The following TENM3 variants were observed in gnomAD, a reference collection of about 807,000 sequenced individuals.
TENM3 encodes the protein teneurin transmembrane protein 3.
TENM3 carries 63 observed loss-of-function variants against 255.1 expected under a neutral mutation model. The ratio of observed to expected loss-of-function variants is 0.25; its 90% confidence interval spans 0.20 to 0.30. The LOEUF (loss-of-function observed/expected upper bound fraction) is 0.30, where lower values mean the gene tolerates loss of function less well. Ranked by LOEUF, TENM3 falls within the 10% of genes least tolerant of loss-of-function variation. The pLI is 1.00. For synonymous variants in TENM3, 1,306 were observed against 1,322.3 expected, an observed-to-expected ratio of 0.99 and a Z score of 0.27; for missense variants, 2,929 against 3,461.1, an observed-to-expected ratio of 0.85 and a Z score of 3.86.
intron 3 of TENM3, among the ~76,000 whole-genome samples, chr4:182,552,897 G>T (rs578081668): frequency 6.6e-6 from 1 of 152,178 alleles, no homozygotes; most frequent in South Asian, 2.1e-4. Context: ...TGAATTTAGG[G>T]ATTAACAGAA....
At chr4:181,506,948 C>T in the TENM3 span, among the ~76,000 whole-genome samples, 3 of 152,212 alleles carry the variant, frequency 2.0e-5, no homozygotes, top group Non-Finnish European at 4.4e-5. Context: ...CCTAAAATAG[C>T]AACAGGCAGC....
At chr4:182,368,313 A>C (rs1259673815) in intron 3 of TENM3, among the ~76,000 whole-genome samples, 2 of 152,186 alleles carry the variant, frequency 1.3e-5, no homozygotes, top group East Asian at 3.9e-4. Context: ...TCCACCTTTG[A>C]GTCTCAATCC....
chr4:182,389,424 T>G (rs527485315), intron 3 of TENM3, among the ~76,000 whole-genome samples: 1 of 150,116 alleles, frequency 6.7e-6, no homozygotes, highest in South Asian at 2.1e-4. Context: ...CCATAGAGAT[T>G]AGACTTTAAA....
chr4:182,041,035 AT>A, the TENM3 span, among the ~76,000 whole-genome samples: 8 of 152,106 alleles, frequency 5.3e-5, no homozygotes, highest in Admixed American at 3.3e-4. Flanking sequence ...AAACTCCTGT[AT>A]TTTTTTTCTT....
intron 1 of TENM3, among the ~76,000 whole-genome samples, chr4:182,210,618 GTT>G (rs58035061): frequency 0.14 from 18,232 of 132,002 alleles, 911 homozygotes; most frequent in East Asian, 0.18. Flanking sequence ...CCCCTCTCTA[GTT>G]TTTTTTTTTT....
At chr4:181,528,928 C>T in the TENM3 span, among the ~76,000 whole-genome samples, 1 of 152,014 alleles carries the variant, frequency 6.6e-6, no homozygotes, top group East Asian at 1.9e-4. Flanking sequence ...TATCTGCAGG[C>T]ATATATATAG....
the TENM3 span, among the ~76,000 whole-genome samples, chr4:181,566,411 A>G: frequency 2.6e-4 from 40 of 152,318 alleles, no homozygotes; most frequent in South Asian, 8.3e-3. Context: ...AAAAATCTTT[A>G]TTACTAAGCT....
Position 182,681,847 on chromosome 4 carries a change from G to C in TENM3, c.1868G>C (p.Gly623Ala). 1 of 1,613,664 alleles carries C rather than the reference G, an allele frequency of 6.2e-7. No individual in the cohort carries two copies. Among genetic ancestry groups the C allele is most frequent in the Non-Finnish European group, 8.5e-7 (1 of 1,179,792 alleles). Residue 623 changes from glycine (G) to alanine (A), a missense_variant, in exon 11 of 28, where the codon GGT becomes GCT. Gly to Ala is a moderately conservative substitution (Grantham distance 60). Transcript: ENST00000511685. Reference sequence around the variant, plus strand: ...ATAGACCCTGGGTGTTCTAATCATGGTGTGTGTATCCACGGGGAATGTCAC... The same window carrying C: ...ATAGACCCTGGGTGTTCTAATCATGCTGTGTGTATCCACGGGGAATGTCAC... Reference protein sequence around the residue: ...DCIDPGCSNHGVCIHGECHCS... With the variant: ...DCIDPGCSNHAVCIHGECHCS...
At chr4:181,615,911 GT>G in the TENM3 span, among the ~76,000 whole-genome samples, 1 of 152,166 alleles carries the variant, frequency 6.6e-6, no homozygotes, top group South Asian at 2.1e-4. Flanking sequence ...GAAGTTTACT[GT>G]GAGAAAACTG....
the TENM3 span, among the ~76,000 whole-genome samples, chr4:181,459,893 A>G: frequency 3.3e-5 from 5 of 151,922 alleles, no homozygotes; most frequent in African/African-American, 9.7e-5. Context: ...ATATAAATCA[A>G]TCTGGGAAAA....
chr4:182,568,130 A>T (rs370585123), intron 3 of TENM3, among the ~76,000 whole-genome samples: 79 of 152,352 alleles, frequency 5.2e-4, no homozygotes, highest in African/African-American at 1.7e-3. Flanking sequence ...AAATCCTGCC[A>T]GTTCTACCTC....
intron 3 of TENM3, among the ~76,000 whole-genome samples, chr4:182,495,818 G>C (rs981721675): frequency 2.0e-5 from 3 of 152,042 alleles, no homozygotes; most frequent in Non-Finnish European, 4.4e-5. Flanking sequence ...AGCTTTTTTG[G>C]ATCAATTTAA....
intron 3 of TENM3, among the ~76,000 whole-genome samples, chr4:182,451,296 A>T (rs968502042): frequency 3.3e-5 from 5 of 152,148 alleles, no homozygotes; most frequent in Non-Finnish European, 5.9e-5. Context: ...ATTCTTCTCG[A>T]AGATTTAGAA....
At chr4:181,971,556 A>T in the TENM3 span, among the ~76,000 whole-genome samples, 1 of 151,042 alleles carries the variant, frequency 6.6e-6, no homozygotes, top group African/African-American at 2.4e-5. Context: ...GTTGTTGGGT[A>T]TTTGGTTTTG....
At chr4:182,477,364 G>A (rs73872408) in intron 3 of TENM3, among the ~76,000 whole-genome samples, 3,191 of 152,210 alleles carry the variant, frequency 0.021, 113 homozygotes, top group African/African-American at 0.072. Flanking sequence ...CGTCATCAGC[G>A]TTCCACCTTC....
the TENM3 span, among the ~76,000 whole-genome samples, chr4:181,608,183 A>C: frequency 6.6e-6 from 1 of 152,218 alleles, no homozygotes; most frequent in Non-Finnish European, 1.5e-5. Flanking sequence ...TACTTGCCTA[A>C]GAGGGAGAGA....
chr4:182,360,710 A>T (rs1490148544), intron 3 of TENM3, among the ~76,000 whole-genome samples: 1 of 152,122 alleles, frequency 6.6e-6, no homozygotes, highest in Admixed American at 6.5e-5. Flanking sequence ...TGGAGCATTT[A>T]GTCCATTTAC....
chr4:182,304,316 G>A (rs1257228843), intron 1 of TENM3, among the ~76,000 whole-genome samples: 3 of 151,944 alleles, frequency 2.0e-5, no homozygotes, highest in African/African-American at 4.8e-5. Flanking sequence ...GGGTTCAAGC[G>A]ATTCTCCTCC....
intron 3 of TENM3, among the ~76,000 whole-genome samples, chr4:182,433,179 C>T (rs942899887): frequency 2.0e-5 from 3 of 152,022 alleles, no homozygotes; most frequent in Admixed American, 6.6e-5. Flanking sequence ...GGATAGATTT[C>T]GCATGGTGAG....
Sources: allele counts gnomAD v4.1 joint callset (sites outside exome capture counted in the v4.1 genomes callset), GRCh38; gene constraint gnomAD v4.1.1; transcripts MANE v1.5; gene names NCBI Gene and HGNC (gene_info 2026-07-23, HGNC 2026-07-21).